GNG7: variants seen among roughly 807,000 people sequenced by gnomAD.
GNG7 encodes the protein G protein subunit gamma 7, also known as guanine nucleotide-binding protein G(I)/G(S)/G(O) subunit gamma-7.
Under a neutral mutation model 4.0 loss-of-function variants are expected in GNG7, and 1 was observed. The ratio of observed to expected loss-of-function variants is 0.25; its 90% CI spans 0.09 to 1.18. The LOEUF (loss-of-function observed/expected upper bound fraction) is 1.18, where lower values mean the gene tolerates loss of function less well. Among genes scored for constraint, GNG7 ranks in the 50% most tolerant of loss-of-function variants. GNG7 has a pLI of 0.50. For synonymous variants in GNG7, 34 were observed against 36.9 expected, an observed-to-expected ratio of 0.92 and a Z score of 0.29; for missense variants, 86 against 91.9, an observed-to-expected ratio of 0.94 and a Z score of 0.26.
intron 1 of GNG7, among the ~76,000 whole-genome samples, chr19:2,694,944 G>A (rs1913209717): frequency 6.6e-6 from 1 of 152,004 alleles, no homozygotes; most frequent in Admixed American, 6.6e-5. Flanking sequence ...CCATCACAGG[G>A]TAGGGTTGAA....
chr19:2,612,732 T>TTC (rs1981609235), intron 2 of GNG7, among the ~76,000 whole-genome samples: 1 of 142,228 alleles, frequency 7.0e-6, no homozygotes, highest in Admixed American at 6.9e-5. Flanking sequence ...TTGAGAGTCT[T>TTC]GCTGTGTCGC....
Position 2,513,466 on chromosome 19 carries a change from C to T in GNG7, c.*1556G>A. The T allele has an allele frequency of 1.0e-6, 1 of 971,322 alleles. No individual in the cohort carries two copies. Among genetic ancestry groups the T allele is most frequent in the Non-Finnish European group, 1.2e-6 (1 of 817,054 alleles). The allele number at this position is 971,322 out of a possible 1,614,324, so 60.2% of individuals were successfully genotyped here. On this transcript the variant is annotated 3_prime_UTR_variant, in exon 5 of 5. Coordinates refer to ENST00000382159, the MANE Select transcript of GNG7 (RefSeq NM_052847.3). ...CAGGCCCTGGAAGATGTGGCTGCACCTGCTCCCGTCCGTGCCGCAGAGGAG... is the reference window on the plus strand; with the variant it reads ...CAGGCCCTGGAAGATGTGGCTGCACTTGCTCCCGTCCGTGCCGCAGAGGAG...
At chr19:2,527,343 G>A (rs1293243264) in intron 3 of GNG7, among the ~76,000 whole-genome samples, 5 of 152,168 alleles carry the variant, frequency 3.3e-5, no homozygotes, top group Admixed American at 6.5e-5. Flanking sequence ...CCCTCATCTG[G>A]GGGTGCAGAG....
At position 2,512,218 on chromosome 19, in the gene GNG7, C is replaced by T. The variant is rs1972666428; in HGVS notation, c.*2804G>A. The T allele has an allele frequency of 1.0e-6, 1 of 985,870 alleles. No individual in the cohort carries two copies. The highest frequency in any genetic ancestry group is 1.2e-6 in the Non-Finnish European group (1 of 829,966). 61.1% of individuals were successfully genotyped at this position (985,870 alleles called of 1,614,324 possible). On this transcript the variant is annotated 3_prime_UTR_variant, in exon 5 of 5. Coordinates refer to ENST00000382159, the MANE Select transcript of GNG7 (RefSeq NM_052847.3). The surrounding 1 kb of genome is among the most constrained non-coding windows in gnomAD (Gnocchi z 4.7). ...CCCCGTCTGGAGGTGCACGCGCGCT[C>T]CTGGAAACGCCCATAAAACATGCGT... is the stretch of plus-strand genomic sequence containing the variant.
At chr19:2,650,608 C>G (rs929977780) in intron 1 of GNG7, among the ~76,000 whole-genome samples, 1 of 152,324 alleles carries the variant, frequency 6.6e-6, no homozygotes, top group Admixed American at 6.5e-5. Context: ...GTGAGGCGAT[C>G]CCTGCGGATG....
intron 3 of GNG7, among the ~76,000 whole-genome samples, chr19:2,521,612 G>GGTTT: frequency 9.6e-6 from 1 of 104,690 alleles, no homozygotes; most frequent in East Asian, 3.3e-4. Flanking sequence ...CCCCCTCCGT[G>GGTTT]TTTTTTTTTT....
At position 2,673,386 on chromosome 19, in the gene GNG7, G is replaced by GA. The variant is rs1983514704; in HGVS notation, c.-134-27107dup. On this transcript the variant is annotated intron_variant, in intron 1 of 4. Coordinates refer to ENST00000382159, the MANE Select transcript of GNG7 (RefSeq NM_052847.3). ...GGAGTCAATGGCATGTGGGTTCCTG[G>GA]AAAAAACAAGAAAATGGAAATAAAG... 2.0e-5 allele frequency among the ~76,000 whole-genome samples: 3 copies of GA among 151,730 alleles called. No individual in the cohort carries two copies. In the South Asian group the frequency reaches 6.3e-4, roughly 32 times the overall value.
intron 2 of GNG7, among the ~76,000 whole-genome samples, chr19:2,568,584 A>AATACACACATATATAGAC (rs1449803287): frequency 7.6e-6 from 1 of 131,252 alleles, no homozygotes; most frequent in Non-Finnish European, 1.8e-5. Flanking sequence ...CACATGCACA[A>AATACACACATATATAGAC]ATACACACAT....
chr19:2,699,831 C>T (rs1195311993), intron 1 of GNG7, among the ~76,000 whole-genome samples: 3 of 152,268 alleles, frequency 2.0e-5, no homozygotes, highest in South Asian at 2.1e-4. Flanking sequence ...GAGACCCAGA[C>T]GCACCCCATG....
chr19:2,688,796 T>C (rs1360127058), intron 1 of GNG7, among the ~76,000 whole-genome samples: 1 of 152,180 alleles, frequency 6.6e-6, no homozygotes, highest in Non-Finnish European at 1.5e-5. Flanking sequence ...CCGGGCACAG[T>C]GGCTCCCGTC....
chr19:2,527,181 A>G (rs1978432925), intron 3 of GNG7, among the ~76,000 whole-genome samples: 1 of 152,160 alleles, frequency 6.6e-6, no homozygotes, highest in Non-Finnish European at 1.5e-5. Flanking sequence ...TTATGGACTC[A>G]GGCAGTTGCA....
chr19:2,568,453 T>C (rs1015777021), intron 2 of GNG7, among the ~76,000 whole-genome samples: 45 of 75,642 alleles, frequency 5.9e-4, no homozygotes, highest in African/African-American at 1.4e-3. Context: ...CACATACATA[T>C]ACATACACAC....
intron 1 of GNG7, among the ~76,000 whole-genome samples, chr19:2,661,668 A>G (rs1336415904): frequency 1.8e-5 from 2 of 110,420 alleles, no homozygotes; most frequent in Non-Finnish European, 3.7e-5. Context: ...GTGAGACTCC[A>G]TTAAAAAAAA....
At position 2,511,830 on chromosome 19, in the gene GNG7, T is replaced by A. The variant is rs1038966604; in HGVS notation, c.*3192A>T. 4 of 986,134 alleles carry A rather than the reference T, an allele frequency of 4.1e-6. No homozygotes were observed. In the African/African-American group the frequency reaches 5.2e-5, roughly 13 times the overall value. 61.1% of individuals were successfully genotyped at this position (986,134 alleles called of 1,614,324 possible). A position where few individuals can be genotyped will look rare whatever the true frequency, so the allele number is the denominator to read the frequency against. On this transcript the variant is annotated 3_prime_UTR_variant, in exon 5 of 5. Coordinates refer to ENST00000382159, the MANE Select transcript of GNG7 (RefSeq NM_052847.3). The surrounding 1 kb of genome is among the most constrained non-coding windows in gnomAD (Gnocchi z 6.3). Reference sequence around the variant, plus strand: ...AGGTCGCAGCTGAGCTATCTGTGCTTGGCCTGGGGTTACCCCTGGGGAGGG... The same window carrying A: ...AGGTCGCAGCTGAGCTATCTGTGCTAGGCCTGGGGTTACCCCTGGGGAGGG...
intron 1 of GNG7, among the ~76,000 whole-genome samples, chr19:2,674,271 AAAAC>A (rs1983538495): frequency 7.6e-6 from 1 of 131,200 alleles, no homozygotes; most frequent in African/African-American, 2.7e-5. Flanking sequence ...TCTCAAAAAC[AAAAC>A]AAACAAGAAA....
chr19:2,556,873 A>T (rs569295531), intron 2 of GNG7, among the ~76,000 whole-genome samples: 36 of 152,202 alleles, frequency 2.4e-4, no homozygotes, highest in Admixed American at 4.6e-4. Flanking sequence ...CCGTGCCAGG[A>T]GCACCCCCCA....
At chr19:2,526,880 C>G (rs1161185623) in intron 3 of GNG7, among the ~76,000 whole-genome samples, 1 of 129,498 alleles carries the variant, frequency 7.7e-6, no homozygotes, top group African/African-American at 2.8e-5. Context: ...GAGTCTCGCT[C>G]TGTCGCCCAG....
intron 2 of GNG7, among the ~76,000 whole-genome samples, chr19:2,566,195 A>G (rs115631829): frequency 0.049 from 7,477 of 152,088 alleles, 588 homozygotes; most frequent in African/African-American, 0.17. Flanking sequence ...AAATAAATAA[A>G]GGGGACATTT....
At position 2,626,301 on chromosome 19, in the gene GNG7, G is replaced by T. The variant is rs1435696241; in HGVS notation, c.-78+19923C>A. 6.6e-6 allele frequency among the ~76,000 whole-genome samples: 1 copy of T among 152,142 alleles called. No homozygotes were observed. Among genetic ancestry groups the T allele is most frequent in the African/African-American group, 2.4e-5 (1 of 41,430 alleles). ...CAGCGGCACCGTGGAAACCCACCGGGATCTCTGCCACCCACAGGAGGCTGG... is the reference window on the plus strand; with the variant it reads ...CAGCGGCACCGTGGAAACCCACCGGTATCTCTGCCACCCACAGGAGGCTGG... On this transcript the variant is annotated intron_variant, in intron 2 of 4. Transcript: ENST00000382159. This position sits in a 1 kb window ranked among gnomAD's most constrained non-coding sequence, Gnocchi z 5.0.
Sources: allele counts gnomAD v4.1 joint callset (sites outside exome capture counted in the v4.1 genomes callset), GRCh38; gene constraint gnomAD v4.1.1; non-coding constraint Gnocchi (gnomAD v3.1); transcripts MANE v1.5; gene names NCBI Gene and HGNC (gene_info 2026-07-23, HGNC 2026-07-21).